Variants in ACVR1C observed in about 807,000 individuals in gnomAD.
ACVR1C encodes the protein activin receptor type-1C.
A neutral mutation model predicts 57.9 loss-of-function variants in ACVR1C; 23 were observed. That is an observed-to-expected ratio of 0.40 (90% CI 0.29 to 0.56). ACVR1C has a LOEUF of 0.56. Ranked by LOEUF, ACVR1C falls within the 20% of genes least tolerant of loss-of-function variation. The pLI, the probability that ACVR1C is intolerant of heterozygous loss-of-function variation, is 0.50. For missense variants in ACVR1C, 480 were observed against 607.9 expected (o/e 0.79, Z 2.21); for synonymous variants, 214 against 215.3 (o/e 0.99, Z 0.05).
chr2:157,622,827 G>T (rs1433932909), intron 1 of ACVR1C, among the ~76,000 whole-genome samples: 4 of 152,058 alleles, frequency 2.6e-5, no homozygotes, highest in Non-Finnish European at 4.4e-5. Context: ...ACAATCCACA[G>T]AATGAGAGAA....
At chr2:157,594,602 A>G (rs1391015437) in intron 1 of ACVR1C, among the ~76,000 whole-genome samples, 5 of 152,146 alleles carry the variant, frequency 3.3e-5, no homozygotes, top group African/African-American at 1.2e-4. Flanking sequence ...CAATATCAGC[A>G]TGAAATTTGG....
intron 2 of ACVR1C, among the ~76,000 whole-genome samples, chr2:157,562,665 CA>C (rs1351004348): frequency 1.3e-4 from 19 of 151,806 alleles, no homozygotes; most frequent in Admixed American, 7.9e-4. Flanking sequence ...AGAGACACAA[CA>C]AAAAAAGAAA....
chr2:157,545,002 A>G (rs570622685), intron 4 of ACVR1C, among the ~76,000 whole-genome samples: 1 of 152,228 alleles, frequency 6.6e-6, no homozygotes, highest in Admixed American at 6.5e-5. Flanking sequence ...AATTATACCA[A>G]TAAAGATCAG....
At chr2:157,562,459 AAAAATAAAATAAAAT>A (rs145869067) in intron 2 of ACVR1C, among the ~76,000 whole-genome samples, 2,955 of 108,174 alleles carry the variant, frequency 0.027, 57 homozygotes, top group Middle Eastern at 0.054. Flanking sequence ...TACCAACCAA[AAAAATAAAATAAAAT>A]AAAATAAAAT....
chr2:157,588,940 T>C (rs545339063), intron 1 of ACVR1C, among the ~76,000 whole-genome samples: 2 of 147,988 alleles, frequency 1.4e-5, no homozygotes, highest in African/African-American at 4.9e-5. Flanking sequence ...TTTGTATTCA[T>C]TTTTTGTATT....
intron 1 of ACVR1C, among the ~76,000 whole-genome samples, chr2:157,602,819 A>AT (rs1309131689): frequency 1.3e-5 from 2 of 152,228 alleles, no homozygotes; most frequent in African/African-American, 4.8e-5. Flanking sequence ...TCTCTGAGGT[A>AT]TGGGAATAAA....
chr2:157,593,579 C>A (rs745723736), intron 1 of ACVR1C, among the ~76,000 whole-genome samples: 1 of 152,008 alleles, frequency 6.6e-6, no homozygotes, highest in Non-Finnish European at 1.5e-5. Flanking sequence ...TCTGAGTTAA[C>A]AAAGGGAACA....
At chr2:157,579,431 G>A (rs1258281978) in intron 2 of ACVR1C, among the ~76,000 whole-genome samples, 5 of 152,074 alleles carry the variant, frequency 3.3e-5, no homozygotes, top group Non-Finnish European at 5.9e-5. Flanking sequence ...CCTAAGTTGT[G>A]TAAATTAGTT....
At chr2:157,617,764 A>C (rs2105155354) in intron 1 of ACVR1C, among the ~76,000 whole-genome samples, 1 of 152,116 alleles carries the variant, frequency 6.6e-6, no homozygotes, top group Middle Eastern at 3.4e-3. Context: ...AATGGATAGA[A>C]GGATGGATAA....
chr2:157,544,970 A>T (rs1332301057), intron 4 of ACVR1C, among the ~76,000 whole-genome samples: 2 of 152,212 alleles, frequency 1.3e-5, no homozygotes, highest in Non-Finnish European at 2.9e-5. Flanking sequence ...TGTGTTATAA[A>T]CTACTCTGAG....
chr2:157,579,860 A>AT (rs985507946), intron 2 of ACVR1C, among the ~76,000 whole-genome samples: 24 of 152,278 alleles, frequency 1.6e-4, no homozygotes, highest in Admixed American at 6.5e-4. Flanking sequence ...TGGCTGATAC[A>AT]TTTTTTTAAC....
chr2:157,600,356 AAATT>A (rs1166211495), intron 1 of ACVR1C, among the ~76,000 whole-genome samples: 2 of 152,248 alleles, frequency 1.3e-5, no homozygotes, highest in East Asian at 3.8e-4. Flanking sequence ...GAAATACAAA[AAATT>A]AACGACAAAA....
intron 1 of ACVR1C, among the ~76,000 whole-genome samples, chr2:157,591,311 G>A (rs1490705680): frequency 1.3e-5 from 2 of 151,914 alleles, no homozygotes; most frequent in Admixed American, 6.6e-5. Flanking sequence ...AAAAGACAAA[G>A]GTCTCAGCCC....
At chr2:157,563,229 A>G (rs993878459) in intron 2 of ACVR1C, among the ~76,000 whole-genome samples, 3 of 152,226 alleles carry the variant, frequency 2.0e-5, no homozygotes, top group African/African-American at 7.2e-5. Flanking sequence ...CCATCACCTC[A>G]GCCCAAAAAC....
intron 2 of ACVR1C, among the ~76,000 whole-genome samples, chr2:157,572,162 A>G (rs1322392651): frequency 8.4e-6 from 1 of 118,788 alleles, no homozygotes; most frequent in Non-Finnish European, 1.7e-5. Flanking sequence ...TGGGAATTGA[A>G]CAATGAGATC....
chr2:157,595,999 A>T (rs954389210), intron 1 of ACVR1C, among the ~76,000 whole-genome samples: 7 of 152,220 alleles, frequency 4.6e-5, no homozygotes, highest in Admixed American at 3.3e-4. Flanking sequence ...TGAAAACTTC[A>T]TGAGGGCAGG....
At chr2:157,604,440 T>A (rs1336867021) in intron 1 of ACVR1C, among the ~76,000 whole-genome samples, 1 of 152,042 alleles carries the variant, frequency 6.6e-6, no homozygotes, top group Admixed American at 6.6e-5. Context: ...AGGAGCTTTT[T>A]TGAATGCATA....
chr2:157,605,226 A>T (rs1292604851), intron 1 of ACVR1C, among the ~76,000 whole-genome samples: 2 of 151,678 alleles, frequency 1.3e-5, no homozygotes, highest in Non-Finnish European at 3.0e-5. Flanking sequence ...ATTTCTGGTT[A>T]TTCTATTCTG....
chr2:157,618,766 A>G (rs944376968), intron 1 of ACVR1C, among the ~76,000 whole-genome samples: 1 of 151,806 alleles, frequency 6.6e-6, no homozygotes, highest in Non-Finnish European at 1.5e-5. Context: ...ACCAGTAATA[A>G]AGATAAGCAT....
Sources: gnomAD v4.1 joint callset for allele counts (sites outside exome capture counted in the v4.1 genomes callset) on GRCh38, gnomAD v4.1.1 for gene constraint, MANE v1.5 for transcripts, NCBI Gene and HGNC (gene_info 2026-07-23, HGNC 2026-07-21) for gene names.